Variants in TRAF3IP3 observed in about 807,000 individuals in gnomAD.
The protein encoded by TRAF3IP3 is TRAF3-interacting JNK-activating modulator.
In TRAF3IP3, 64 loss-of-function variants were observed where a neutral mutation model predicts 86.5. The observed-to-expected ratio is 0.74, with a 90% CI of 0.60 to 0.91. The LOEUF is 0.91. Ranked by LOEUF, TRAF3IP3 falls within the 40% of genes least tolerant of loss-of-function variation. The pLI is 0.00. For missense variants in TRAF3IP3, 579 were observed against 642.9 expected (o/e 0.90, Z 1.07); for synonymous variants, 220 against 243.9 (o/e 0.90, Z 0.91).
intron 2 of TRAF3IP3, 44 bp from the exon 3 acceptor site, chr1:209,759,933 TGCCCA>T: frequency 1.1e-6 from 1 of 872,158 alleles, no homozygotes; most frequent in Admixed American, 2.2e-5. Context: ...GTCATTTTTC[TGCCCA>T]TCTTCTGACC....
chr1:209,767,436 C>T (rs1282620783), intron 8 of TRAF3IP3, among the ~76,000 whole-genome samples: 3 of 152,140 alleles, frequency 2.0e-5, no homozygotes, highest in Non-Finnish European at 4.4e-5. Context: ...TGTCTCACAC[C>T]TGTAATCCCA....
rs2077727444 is a variant in TRAF3IP3, at chr1:209,779,352, G to C, written c.1290G>C (p.Gln430His). 2 of 1,613,980 alleles carry C rather than the reference G, an allele frequency of 1.2e-6. No homozygotes were observed. The highest frequency in any genetic ancestry group is 1.1e-5 in the South Asian group (1 of 91,086). ...LQNQSLQLQE[Q>H]EKLLTKKDQA... ...ATCAATCCTTACAGCTTCAAGAACA[G>C]GAGAAACTCTTAACAAAGAAAGGTC... Residue 430 changes from glutamine to histidine, a missense_variant, in exon 14 of 17, where the codon CAG becomes CAC. By Grantham distance (24) the Gln-to-His change is conservative. Transcript: ENST00000367025.
intron 3 of TRAF3IP3, among the ~76,000 whole-genome samples, chr1:209,760,813 A>G (rs952788470): frequency 6.6e-6 from 1 of 152,126 alleles, no homozygotes; most frequent in African/African-American, 2.4e-5. Context: ...GCACACCTGT[A>G]GTCCTAACTA....
intron 11 of TRAF3IP3, chr1:209,776,024 T>G (rs186192127): frequency 3.5e-6 from 1 of 288,746 alleles, no homozygotes; most frequent in Non-Finnish European, 6.5e-6. Flanking sequence ...AGCCTACTAA[T>G]GTCATCTCCC....
intron 2 of TRAF3IP3, among the ~76,000 whole-genome samples, chr1:209,759,416 TG>T (rs777749011): frequency 8.5e-5 from 13 of 152,160 alleles, no homozygotes; most frequent in Non-Finnish European, 1.5e-4. Flanking sequence ...AAGAGAGCAG[TG>T]GGTGCTGGTC....
At chr1:209,771,575 T>C (rs555128666) in intron 8 of TRAF3IP3, among the ~76,000 whole-genome samples, 4 of 113,354 alleles carry the variant, frequency 3.5e-5, no homozygotes, top group African/African-American at 1.1e-4. Flanking sequence ...GCAGTGGAAG[T>C]GTACGTGTGC....
At chr1:209,781,261 GAAACT>G in intron 15 of TRAF3IP3, 79 bp from the exon 16 acceptor site, 1 of 868,814 alleles carries the variant, frequency 1.2e-6, no homozygotes, top group Non-Finnish European at 1.9e-6. Context: ...CCAAATGAGT[GAAACT>G]TACAAAGGGC....
intron 8 of TRAF3IP3, chr1:209,768,329 T>G: frequency 2.0e-6 from 2 of 985,432 alleles, no homozygotes; most frequent in Non-Finnish European, 2.4e-6. Flanking sequence ...TTGGATACCA[T>G]AGGCTCTGGG....
Position 209,770,667 on chromosome 1 carries a change from G to A in TRAF3IP3, c.703-2281G>A, listed in dbSNP as rs1247983919. ...TGCACATGTGCATGTGAAGGTGTGT[G>A]TGTGCATATGGAGGTGTGTGTGTGC... is the stretch of plus-strand genomic sequence containing the variant. On this transcript the variant is annotated intron_variant, in intron 8 of 16. Transcript: ENST00000367025. Among the ~76,000 whole-genome samples the A allele has an allele frequency of 2.7e-5, 4 of 147,214 alleles. No individual in the cohort carries two copies. In the South Asian group the frequency reaches 6.8e-4, roughly 25 times the overall value.
chr1:209,781,489 T>G (rs766038096), intron 16 of TRAF3IP3, 31 bp downstream of exon 16: 1 of 1,503,060 alleles, frequency 6.7e-7, no homozygotes, highest in South Asian at 1.1e-5. Flanking sequence ...CATAAAGCCC[T>G]GGATGATGGG....
At position 209,781,407 on chromosome 1, in the gene TRAF3IP3, G is replaced by C. The variant is rs1405022845; in HGVS notation, c.1512G>C (p.Lys504Asn). Reference sequence around the variant, plus strand: ...ACGAGTATCTCTCCTGCCTGCGTAAGCTGCAGCACTGTCGAGAAGAGCTGA... The same window carrying C: ...ACGAGTATCTCTCCTGCCTGCGTAACCTGCAGCACTGTCGAGAAGAGCTGA... ...LSDEYLSCLR[K>N]LQHCREELNQ... is the part of the protein sequence containing the mutation. Residue 504 changes from lysine (K) to asparagine (N), a missense_variant, in exon 16 of 17, where the codon AAG becomes AAC. Lys to Asn is a moderately conservative substitution (Grantham distance 94, BLOSUM62 0). Transcript: ENST00000367025. 1.2e-6 allele frequency: 2 copies of C among 1,613,836 alleles called. No individual in the cohort carries two copies. The highest frequency in any genetic ancestry group is 8.5e-7 in the Non-Finnish European group (1 of 1,179,818).
rs144475157 is a variant in TRAF3IP3 at position 209,774,735 on chromosome 1, G to T, written c.775-614G>T. ...CCATGGAGAGATTTATACAGGAAGT[G>T]GCAAGATCAGATTTGCATTTTAGAA... On this transcript the variant is annotated intron_variant, in intron 9 of 16. Coordinates refer to ENST00000367025, the MANE Select transcript of TRAF3IP3 (RefSeq NM_025228.4). Among the ~76,000 whole-genome samples, 498 of 152,258 alleles carry T rather than the reference G, an allele frequency of 3.3e-3. 4 individuals are homozygous for T. Among genetic ancestry groups the T allele is most frequent in the African/African-American group, 0.011 (474 of 41,534 alleles).
chr1:209,757,814 T>C (rs775746047), intron 1 of TRAF3IP3, among the ~76,000 whole-genome samples: 28 of 152,176 alleles, frequency 1.8e-4, no homozygotes, highest in Non-Finnish European at 2.9e-4. Context: ...AAGGTAACAT[T>C]TATTGTGTGC....
Position 209,781,327 on chromosome 1 carries a change from T to C in TRAF3IP3, c.1450-18T>C, listed in dbSNP as rs2077774314. 7.1e-6 allele frequency: 11 copies of C among 1,557,514 alleles called. No individual in the cohort carries two copies. The highest frequency in any genetic ancestry group is 9.7e-6 in the Non-Finnish European group (11 of 1,129,998). On this transcript the variant is annotated intron_variant, in intron 15 of 16. Coordinates refer to ENST00000367025, the MANE Select transcript of TRAF3IP3 (RefSeq NM_025228.4). ...TAGACAGAAGTGACAGTGATGACTT[T>C]GGTGATGTTCTCCCCAGTGCAGAGA...
At chr1:209,759,720 T>C (rs927943439) in intron 2 of TRAF3IP3, among the ~76,000 whole-genome samples, 3 of 152,194 alleles carry the variant, frequency 2.0e-5, no homozygotes, top group African/African-American at 7.2e-5. Flanking sequence ...AAGGAGTAAG[T>C]GGCAGCCATA....
rs1053251325 is a variant in TRAF3IP3 at position 209,756,190 on chromosome 1, T to C, written c.-279T>C. The C allele has an allele frequency of 6.6e-6, 1 of 152,282 alleles. No homozygotes were observed. The highest frequency in any genetic ancestry group is 1.5e-5 in the Non-Finnish European group (1 of 68,088). 9.4% of individuals were successfully genotyped at this position (152,282 alleles called of 1,614,324 possible). On this transcript the variant is annotated 5_prime_UTR_variant, in exon 1 of 17. It removes an upstream start codon present in the reference 5' UTR. Coordinates refer to ENST00000367025, the MANE Select transcript of TRAF3IP3 (RefSeq NM_025228.4). ...GACGTGTTAATGGGGCCCAGACCTATGGATTGAAAGCGTGTGCTTTACCCA... is the reference window on the plus strand; with the variant it reads ...GACGTGTTAATGGGGCCCAGACCTACGGATTGAAAGCGTGTGCTTTACCCA...
chr1:209,771,958 G>A (rs1259479812), intron 8 of TRAF3IP3, among the ~76,000 whole-genome samples: 1 of 135,426 alleles, frequency 7.4e-6, no homozygotes, highest in African/African-American at 2.7e-5. Context: ...TGCATGTGAA[G>A]GTGTGTGTGT....
intron 5 of TRAF3IP3, 84 bp from the exon 6 acceptor site, chr1:209,762,984 G>T (rs2077273821): frequency 6.3e-7 from 1 of 1,591,384 alleles, no homozygotes; most frequent in East Asian, 2.2e-5. Flanking sequence ...CCACCCTACT[G>T]GCTCTTCAGA....
intron 8 of TRAF3IP3, among the ~76,000 whole-genome samples, chr1:209,766,339 G>A (rs1278818747): frequency 6.6e-6 from 1 of 152,216 alleles, no homozygotes; most frequent in Non-Finnish European, 1.5e-5. Context: ...TTGTTTGACA[G>A]TCATTTGATA....
Sources: allele counts gnomAD v4.1 joint callset (sites outside exome capture counted in the v4.1 genomes callset), GRCh38; gene constraint gnomAD v4.1.1; transcripts MANE v1.5; gene names NCBI Gene and HGNC (gene_info 2026-07-23, HGNC 2026-07-21).